STK32C: variants seen among roughly 807,000 people sequenced by gnomAD.
The protein encoded by STK32C is serine/threonine kinase 32C.
In STK32C, 31 loss-of-function variants were observed where a neutral mutation model predicts 56.5. The ratio of observed to expected loss-of-function variants is 0.55; its 90% confidence interval spans 0.41 to 0.74. The LOEUF is 0.74. Ranked by LOEUF, STK32C falls within the 30% of genes least tolerant of loss-of-function variation. The pLI, the probability that STK32C is intolerant of heterozygous loss-of-function variation, is 0.00. For missense variants in STK32C, 544 were observed against 676.9 expected (o/e 0.80, Z 2.18); for synonymous variants, 309 against 289.4 (o/e 1.07, Z -0.69).
At chr10:132,248,880 A>T (rs2063784435) in intron 1 of STK32C, 1 of 444,438 alleles carries the variant, frequency 2.3e-6, no homozygotes, top group African/African-American at 2.0e-5. Flanking sequence ...AAGGGAGTCC[A>T]GCCACCATCA....
chr10:132,331,773 G>A, exon 1 of STK32C: 1 of 1,609,094 alleles, frequency 6.2e-7, no homozygotes, highest in Admixed American at 1.7e-5. Context: ...CAGGCCGGTC[G>A]CCCCTCCAGA....
chr10:132,235,263 G>A (rs528812082), intron 2 of STK32C, among the ~76,000 whole-genome samples: 63 of 152,212 alleles, frequency 4.1e-4, no homozygotes, highest in African/African-American at 1.0e-3. Context: ...TTTGAGAGGC[G>A]GAGGCGGGCA....
At chr10:132,224,020 G>A (rs1019440123) in intron 8 of STK32C, among the ~76,000 whole-genome samples, 1 of 152,236 alleles carries the variant, frequency 6.6e-6, no homozygotes, top group African/African-American at 2.4e-5. Flanking sequence ...GGGTCCCGGA[G>A]ATAGCATGGG....
At chr10:132,226,422 T>C (rs1001393181) in intron 4 of STK32C, among the ~76,000 whole-genome samples, 1 of 152,234 alleles carries the variant, frequency 6.6e-6, no homozygotes, top group South Asian at 2.1e-4. Flanking sequence ...TTTAAGCTAA[T>C]GTTAAAATTA....
rs945388518 is a variant in STK32C at position 132,295,153 on chromosome 10, T to C, written c.262+12419A>G. Among the ~76,000 whole-genome samples the C allele has an allele frequency of 2.0e-5, 3 of 152,032 alleles. No individual in the cohort carries two copies. In the East Asian group the frequency reaches 5.8e-4, roughly 29 times the overall value. ...GAGCAAACAAAGTGACAGGAAAAGC[T>C]AAGAGTCTTAAGCCGGCAGTGACAC... On this transcript the variant is annotated intron_variant, in intron 1 of 11. Coordinates refer to ENST00000298630, the MANE Select transcript of STK32C (RefSeq NM_173575.4).
chr10:132,207,871 T>G lies in STK32C; in HGVS notation c.*139A>C. 7 of 1,027,708 alleles carry G rather than the reference T, an allele frequency of 6.8e-6. No individual in the cohort carries two copies. Among genetic ancestry groups the G allele is most frequent in the Non-Finnish European group, 8.8e-6 (7 of 799,524 alleles). 63.7% of individuals were successfully genotyped at this position (1,027,708 alleles called of 1,614,324 possible). A position where few individuals can be genotyped will look rare whatever the true frequency, so the allele number is the denominator to read the frequency against. Reference sequence around the variant, plus strand: ...CCTGCACCACCACGAGCCTGAGGTGTGAAATGTGTCCGGGGCACTGTGGGC... The same window carrying G: ...CCTGCACCACCACGAGCCTGAGGTGGGAAATGTGTCCGGGGCACTGTGGGC... On this transcript the variant is annotated 3_prime_UTR_variant, in exon 12 of 12. Transcript: ENST00000298630.
At chr10:132,240,518 ACC>A (rs1378183879) in intron 2 of STK32C, among the ~76,000 whole-genome samples, 2 of 152,066 alleles carry the variant, frequency 1.3e-5, no homozygotes, top group African/African-American at 4.8e-5. Flanking sequence ...GACCTTCTTC[ACC>A]CACAAACATG....
intron 8 of STK32C, 25 bp downstream of exon 8, chr10:132,224,382 A>G (rs1481120886): frequency 2.0e-6 from 3 of 1,519,646 alleles, no homozygotes; most frequent in African/African-American, 1.4e-5. Context: ...TCGGAGGGTG[A>G]GGAGGCTCAG....
At chr10:132,263,772 A>G (rs1479584100) in intron 1 of STK32C, among the ~76,000 whole-genome samples, 1 of 151,282 alleles carries the variant, frequency 6.6e-6, no homozygotes, top group Non-Finnish European at 1.5e-5. Context: ...AGGCTGAGGC[A>G]TAAGAACTGC....
chr10:132,217,692 A>G (rs533680561), intron 10 of STK32C, among the ~76,000 whole-genome samples: 5 of 152,196 alleles, frequency 3.3e-5, no homozygotes, highest in Non-Finnish European at 5.9e-5. Flanking sequence ...TGCTGTTGTC[A>G]TGATAGTGAA....
At chr10:132,299,569 G>T (rs778893842) in intron 1 of STK32C, among the ~76,000 whole-genome samples, 1 of 152,248 alleles carries the variant, frequency 6.6e-6, no homozygotes, top group African/African-American at 2.4e-5. Flanking sequence ...TCTCTGAGCC[G>T]CTCTGGCCGA....
chr10:132,226,188 G>A (rs2062882224), intron 4 of STK32C, among the ~76,000 whole-genome samples: 1 of 152,206 alleles, frequency 6.6e-6, no homozygotes, highest in African/African-American at 2.4e-5. Context: ...TGGTGCCTAG[G>A]TCATAATCAG....
chr10:132,313,633 G>A (rs973425604), intron 1 of STK32C, among the ~76,000 whole-genome samples: 2 of 152,252 alleles, frequency 1.3e-5, no homozygotes, highest in African/African-American at 4.8e-5. Flanking sequence ...CCTGACAGAT[G>A]GGCAGACGTC....
chr10:132,232,018 C>T (rs965226294), intron 2 of STK32C, among the ~76,000 whole-genome samples: 2 of 152,232 alleles, frequency 1.3e-5, no homozygotes, highest in African/African-American at 4.8e-5. Flanking sequence ...CTCGCTTTCT[C>T]CACGCCTCCT....
chr10:132,228,890 G>A (rs547628219), intron 2 of STK32C, among the ~76,000 whole-genome samples: 16 of 152,332 alleles, frequency 1.1e-4, no homozygotes, highest in Middle Eastern at 6.8e-3. Flanking sequence ...GGGGGCCACC[G>A]CTGCCACCAC....
At chr10:132,303,874 AGGT>A (rs2065980916) in intron 1 of STK32C, among the ~76,000 whole-genome samples, 3 of 152,218 alleles carry the variant, frequency 2.0e-5, no homozygotes, top group African/African-American at 7.2e-5. Context: ...CGCTGGCAGC[AGGT>A]GGTCTGGTTC....
intron 2 of STK32C, among the ~76,000 whole-genome samples, chr10:132,243,877 C>T (rs1437853453): frequency 6.6e-6 from 1 of 152,150 alleles, no homozygotes; most frequent in African/African-American, 2.4e-5. Flanking sequence ...AACCCGGAGC[C>T]ATTTTCACAG....
chr10:132,237,124 G>A (rs2063321150), intron 2 of STK32C, among the ~76,000 whole-genome samples: 1 of 152,230 alleles, frequency 6.6e-6, no homozygotes, highest in African/African-American at 2.4e-5. Context: ...TGCCAGCTGG[G>A]TGGGCGGTTT....
chr10:132,285,759 T>A (rs750371352), intron 1 of STK32C, among the ~76,000 whole-genome samples: 3 of 152,152 alleles, frequency 2.0e-5, no homozygotes, highest in Admixed American at 6.5e-5. Context: ...TCCCCTCTAT[T>A]ATAGACAAGG....
Sources: gnomAD v4.1 joint callset for allele counts (sites outside exome capture counted in the v4.1 genomes callset) on GRCh38, gnomAD v4.1.1 for gene constraint, MANE v1.5 for transcripts, NCBI Gene and HGNC (gene_info 2026-07-23, HGNC 2026-07-21) for gene names.